Variants in PDE7B observed in about 807,000 individuals in gnomAD.
PDE7B encodes the protein phosphodiesterase 7B.
In PDE7B, 29 loss-of-function variants were observed where a neutral mutation model predicts 56.2. The observed-to-expected ratio is 0.52, with a 90% CI of 0.38 to 0.70. The LOEUF is 0.70. Among genes scored for constraint, PDE7B ranks in the 30% least tolerant of loss-of-function variants. The pLI, the probability that PDE7B is intolerant of heterozygous loss-of-function variation, is 0.00. For missense variants in PDE7B, 490 were observed against 565.0 expected (o/e 0.87, Z 1.35); for synonymous variants, 197 against 196.9 (o/e 1.00, Z 0.00).
intron 1 of PDE7B, among the ~76,000 whole-genome samples, chr6:135,861,287 T>G (rs1562414131): frequency 1.3e-5 from 2 of 151,796 alleles, no homozygotes; most frequent in African/African-American, 4.8e-5. Context: ...CCAAATTTAG[T>G]AAAAAATTCA....
chr6:135,881,800 C>G (rs996434512), intron 1 of PDE7B, among the ~76,000 whole-genome samples: 1 of 152,116 alleles, frequency 6.6e-6, no homozygotes, highest in Non-Finnish European at 1.5e-5. Flanking sequence ...ACTCAAAATA[C>G]TCTAGAAGAA....
intron 3 of PDE7B, among the ~76,000 whole-genome samples, chr6:136,109,779 C>T (rs76068106): frequency 1.8e-4 from 27 of 152,260 alleles, no homozygotes; most frequent in Admixed American, 4.6e-4. Flanking sequence ...TGCCTTATAA[C>T]GATCATAATC....
chr6:136,146,241 T>A (rs1778410937), intron 3 of PDE7B, among the ~76,000 whole-genome samples: 1 of 152,192 alleles, frequency 6.6e-6, no homozygotes. Context: ...ACTAGACTGT[T>A]AAACTGACTC....
intron 1 of PDE7B, among the ~76,000 whole-genome samples, chr6:135,908,529 A>T (rs1362850934): frequency 6.6e-6 from 1 of 152,212 alleles, no homozygotes; most frequent in African/African-American, 2.4e-5. Context: ...AAAAATATTT[A>T]TAAGAATATG....
At chr6:136,166,092 C>CTT (rs751664157) in intron 8 of PDE7B, among the ~76,000 whole-genome samples, 1 of 152,172 alleles carries the variant, frequency 6.6e-6, no homozygotes, top group Non-Finnish European at 1.5e-5. Flanking sequence ...GTTGTTACTG[C>CTT]TTAGGTTATT....
rs201681004 is a variant in PDE7B, at chr6:136,151,154, C to T, written c.383-6C>T. 6.6e-4 allele frequency: 1,030 copies of T among 1,554,650 alleles called. 3 individuals are homozygous for T. The Middle Eastern group carries it at 0.015, about 22-fold the overall frequency. On this transcript the variant is annotated splice_polypyrimidine_tract_variant and splice_region_variant and intron_variant, in intron 5 of 12. Coordinates refer to ENST00000308191, the MANE Select transcript of PDE7B (RefSeq NM_018945.4). Reference sequence around the variant, plus strand: ...TTAGTTAAAGGAAGTGACTGTTTTCCTGCAGGAAACAGCCTGGTAACACTG... The same window carrying T: ...TTAGTTAAAGGAAGTGACTGTTTTCTTGCAGGAAACAGCCTGGTAACACTG...
intron 2 of PDE7B, among the ~76,000 whole-genome samples, chr6:135,982,656 C>T (rs1775316305): frequency 2.6e-5 from 4 of 152,166 alleles, no homozygotes; most frequent in Admixed American, 2.0e-4. Flanking sequence ...GCCCAAGATT[C>T]TACATTGTTA....
rs1276786535 is a variant in PDE7B, at chr6:135,914,741, G to A, written c.22-32723G>A. 8.8e-5 allele frequency among the ~76,000 whole-genome samples: 4 copies of A among 45,680 alleles called. No individual in the cohort carries two copies. The African/African-American group carries it at 9.4e-4, about 11-fold the overall frequency. 30.0% of individuals were successfully genotyped at this position (45,680 alleles called of 152,430 possible). A position where few individuals can be genotyped will look rare whatever the true frequency, so the allele number is the denominator to read the frequency against. ...CCTGACCTCGTGATCCGCCCGCCTC[G>A]GCCTCCCAAAGTGCTGGGATTACAG... On this transcript the variant is annotated intron_variant, in intron 1 of 12. Transcript: ENST00000308191.
At chr6:135,865,120 T>C (rs1288033237) in intron 1 of PDE7B, among the ~76,000 whole-genome samples, 1 of 151,972 alleles carries the variant, frequency 6.6e-6, no homozygotes, top group Non-Finnish European at 1.5e-5. Context: ...CATGGAATAC[T>C]ATGCAGCCAT....
chr6:136,051,895 C>T (rs1776636850), intron 2 of PDE7B, among the ~76,000 whole-genome samples: 1 of 152,054 alleles, frequency 6.6e-6, no homozygotes, highest in Admixed American at 6.6e-5. Context: ...GAATACACTC[C>T]CCTTCGAGAC....
intron 1 of PDE7B, among the ~76,000 whole-genome samples, chr6:135,880,216 G>A (rs574546762): frequency 2.0e-5 from 3 of 152,262 alleles, no homozygotes; most frequent in Non-Finnish European, 4.4e-5. Flanking sequence ...GATTCAGAGG[G>A]AAGATGAAAG....
rs1562462319 is a variant in PDE7B, at chr6:135,990,924, TTA to T, written c.82+43402_82+43403del. 2.0e-5 allele frequency among the ~76,000 whole-genome samples: 3 copies of T among 152,344 alleles called. No individual in the cohort carries two copies. In the South Asian group the frequency reaches 6.2e-4, roughly 32 times the overall value. ...GGCTGCTAGTTGCCCATTTTTATGG[TTA>T]TCTCTTAATTATATGCTAAATAGGG... On this transcript the variant is annotated intron_variant, in intron 2 of 12. Transcript: ENST00000308191.
At chr6:135,877,827 G>A (rs183129412) in intron 1 of PDE7B, among the ~76,000 whole-genome samples, 39 of 152,220 alleles carry the variant, frequency 2.6e-4, no homozygotes, top group Admixed American at 2.3e-3. Context: ...AACGTCAGTG[G>A]ATGATTAAAG....
At chr6:136,160,275 A>C (rs1472995050) in intron 8 of PDE7B, among the ~76,000 whole-genome samples, 1 of 152,160 alleles carries the variant, frequency 6.6e-6, no homozygotes, top group Non-Finnish European at 1.5e-5. Context: ...GGTATTCTAG[A>C]ACCGGTTAGG....
chr6:136,124,333 A>C (rs1470228472), intron 3 of PDE7B, among the ~76,000 whole-genome samples: 2 of 152,184 alleles, frequency 1.3e-5, no homozygotes, highest in Non-Finnish European at 2.9e-5. Flanking sequence ...ACAGCAATAA[A>C]AATTTTAAAA....
chr6:136,129,713 C>T (rs1778083860), intron 3 of PDE7B, among the ~76,000 whole-genome samples: 1 of 152,214 alleles, frequency 6.6e-6, no homozygotes. Flanking sequence ...GCTGTTGAGA[C>T]AATCGAGGAT....
chr6:136,038,196 G>GAAGCAGAAA, intron 2 of PDE7B: 1 of 1,299,396 alleles, frequency 7.7e-7, no homozygotes, highest in South Asian at 1.2e-5. Context: ...AGCAGCAGCA[G>GAAGCAGAAA]CAGCAGCAGA....
At chr6:136,175,898 T>A (rs991737837) in intron 9 of PDE7B, among the ~76,000 whole-genome samples, 1 of 152,150 alleles carries the variant, frequency 6.6e-6, no homozygotes, top group Non-Finnish European at 1.5e-5. Context: ...TGATGGATTG[T>A]AAGAAAATGT....
intron 1 of PDE7B, among the ~76,000 whole-genome samples, chr6:135,871,683 G>T (rs1452569904): frequency 6.6e-6 from 1 of 152,124 alleles, no homozygotes. Flanking sequence ...TGGCCTGAAG[G>T]AAGTCACTAA....
Sources: allele counts gnomAD v4.1 joint callset (sites outside exome capture counted in the v4.1 genomes callset), GRCh38; gene constraint gnomAD v4.1.1; transcripts MANE v1.5; gene names NCBI Gene and HGNC (gene_info 2026-07-23, HGNC 2026-07-21).